The following TCERG1L variants were observed in gnomAD, a reference collection of about 807,000 sequenced individuals.
The protein encoded by TCERG1L is transcription elongation regulator 1 like.
In TCERG1L, 37 loss-of-function variants were observed where a neutral mutation model predicts 56.3. That is an observed-to-expected ratio of 0.66 (90% CI 0.51 to 0.87). TCERG1L has a LOEUF of 0.87. Among genes scored for constraint, TCERG1L ranks in the 40% least tolerant of loss-of-function variants. TCERG1L has a pLI of 0.00. For missense variants in TCERG1L, 799 were observed against 774.2 expected (o/e 1.03, Z -0.38); for synonymous variants, 324 against 326.3 (o/e 0.99, Z 0.08).
In TCERG1L at chr10:131,111,652, GATTT is replaced by G. The variant is rs1845414596; in HGVS notation, c.1395+5143_1395+5146del. On this transcript the variant is annotated intron_variant, in intron 9 of 11. Transcript: ENST00000368642. ...AGCTGGACCTTTGAAATACGGTCAC[GATTT>G]CCTCGCACAGCCTGACCTTCCCCTC... Among the ~76,000 whole-genome samples, 4 of 142,670 alleles carry G rather than the reference GATTT, an allele frequency of 2.8e-5. 1 individual carries two copies. 93.6% of individuals were successfully genotyped at this position (142,670 alleles called of 152,430 possible). A position where few individuals can be genotyped will look rare whatever the true frequency, so the allele number is the denominator to read the frequency against.
At chr10:131,166,057 CA>C (rs1190662882) in intron 5 of TCERG1L, among the ~76,000 whole-genome samples, 1 of 152,120 alleles carries the variant, frequency 6.6e-6, no homozygotes, top group Non-Finnish European at 1.5e-5. Flanking sequence ...CAATTTTCAC[CA>C]CTGAACACCT....
intron 4 of TCERG1L, among the ~76,000 whole-genome samples, chr10:131,206,577 C>T (rs559537966): frequency 6.6e-6 from 1 of 152,372 alleles, no homozygotes; most frequent in South Asian, 2.1e-4. Context: ...CAATCAAGGA[C>T]CCCGTGGCTG....
At chr10:131,156,318 T>C (rs1845922451) in intron 6 of TCERG1L, 1 of 152,176 alleles carries the variant, frequency 6.6e-6, no homozygotes, top group African/African-American at 2.4e-5. Flanking sequence ...GAGAAACATT[T>C]TTTTAAATGT....
At chr10:131,246,380 G>A (rs73398442) in intron 4 of TCERG1L, among the ~76,000 whole-genome samples, 128 of 152,256 alleles carry the variant, frequency 8.4e-4, no homozygotes, top group African/African-American at 2.9e-3. Flanking sequence ...TGGAGAGGGC[G>A]GCCATGCTGG....
intron 3 of TCERG1L, among the ~76,000 whole-genome samples, chr10:131,283,469 G>A (rs1323236745): frequency 1.3e-5 from 2 of 152,068 alleles, no homozygotes; most frequent in Non-Finnish European, 2.9e-5. Context: ...AGTATTAAGA[G>A]GAAATGATAA....
At chr10:131,191,614 T>C (rs1158673812) in intron 4 of TCERG1L, among the ~76,000 whole-genome samples, 3 of 141,832 alleles carry the variant, frequency 2.1e-5, no homozygotes, top group Non-Finnish European at 4.6e-5. Flanking sequence ...CAACAAAGCA[T>C]AAATTGCAAA....
intron 4 of TCERG1L, among the ~76,000 whole-genome samples, chr10:131,178,287 C>T (rs1845130376): frequency 6.6e-6 from 1 of 152,194 alleles, no homozygotes; most frequent in Non-Finnish European, 1.5e-5. Context: ...TCCCTGGAAA[C>T]AAGGAAGCCG....
intron 4 of TCERG1L, among the ~76,000 whole-genome samples, chr10:131,256,972 G>A (rs1351552901): frequency 3.2e-5 from 2 of 62,880 alleles, no homozygotes; most frequent in South Asian, 5.3e-4. Flanking sequence ...AAGGAAGGAA[G>A]GAAGGAAGGA....
At chr10:131,250,751 T>C (rs1307351340) in intron 4 of TCERG1L, among the ~76,000 whole-genome samples, 1 of 152,040 alleles carries the variant, frequency 6.6e-6, no homozygotes, top group Non-Finnish European at 1.5e-5. Flanking sequence ...TCTTAGGGAG[T>C]GAGAAGTTCT....
intron 4 of TCERG1L, among the ~76,000 whole-genome samples, chr10:131,224,932 T>C (rs964212243): frequency 1.3e-5 from 2 of 152,136 alleles, no homozygotes; most frequent in Admixed American, 6.5e-5. Context: ...TCTTTACTAG[T>C]GGAGGTAATA....
At chr10:131,166,677 C>T in intron 5 of TCERG1L, 120 bp downstream of exon 5, 3 of 988,688 alleles carry the variant, frequency 3.0e-6, no homozygotes, top group Non-Finnish European at 4.5e-6. Context: ...CTGCTTCACA[C>T]AGCAGATGGC....
At chr10:131,240,223 T>G (rs951622145) in intron 4 of TCERG1L, among the ~76,000 whole-genome samples, 1 of 152,134 alleles carries the variant, frequency 6.6e-6, no homozygotes, top group Non-Finnish European at 1.5e-5. Context: ...ATTAAATGTG[T>G]GTGGAGCAGG....
At chr10:131,200,930 A>G (rs1345184828) in intron 4 of TCERG1L, among the ~76,000 whole-genome samples, 1 of 152,152 alleles carries the variant, frequency 6.6e-6, no homozygotes, top group Non-Finnish European at 1.5e-5. Context: ...GGCTTCTCGC[A>G]CGGTTATCTC....
chr10:131,204,842 A>G (rs560081389), intron 4 of TCERG1L, among the ~76,000 whole-genome samples: 1 of 152,316 alleles, frequency 6.6e-6, no homozygotes, highest in African/African-American at 2.4e-5. Context: ...CGGTTTTATG[A>G]ACAGGCAGAG....
At chr10:131,108,898 C>A (rs908226870) in intron 9 of TCERG1L, among the ~76,000 whole-genome samples, 6 of 152,226 alleles carry the variant, frequency 3.9e-5, no homozygotes, top group Non-Finnish European at 7.3e-5. Flanking sequence ...CGGCTGCCTG[C>A]AGGTCCTTGC....
chr10:131,208,632 G>T (rs1845576132), intron 4 of TCERG1L, among the ~76,000 whole-genome samples: 2 of 152,172 alleles, frequency 1.3e-5, no homozygotes. Context: ...CCTTTCTTAG[G>T]ATGTAGGTTG....
chr10:131,221,813 T>C (rs1292913438), intron 4 of TCERG1L, among the ~76,000 whole-genome samples: 2 of 152,180 alleles, frequency 1.3e-5, no homozygotes, highest in Non-Finnish European at 2.9e-5. Flanking sequence ...AGAAGTGGCG[T>C]CTTTCTGCAG....
chr10:131,148,571 CACAAAT>C (rs1188211803), intron 6 of TCERG1L, among the ~76,000 whole-genome samples: 1 of 134,358 alleles, frequency 7.4e-6, no homozygotes, highest in Non-Finnish European at 1.7e-5. Flanking sequence ...CACACATACA[CACAAAT>C]ACAGACACAC....
intron 4 of TCERG1L, among the ~76,000 whole-genome samples, chr10:131,214,135 A>G (rs1415575275): frequency 6.6e-6 from 1 of 152,220 alleles, no homozygotes; most frequent in Non-Finnish European, 1.5e-5. Flanking sequence ...AGAAATGCAC[A>G]GGCCTCCTGA....
Sources: allele counts gnomAD v4.1 joint callset (sites outside exome capture counted in the v4.1 genomes callset), GRCh38; gene constraint gnomAD v4.1.1; transcripts MANE v1.5; gene names NCBI Gene and HGNC (gene_info 2026-07-23, HGNC 2026-07-21).